GRAMD1B: variants seen among roughly 807,000 people sequenced by gnomAD.
GRAMD1B encodes protein Aster-B.
In GRAMD1B, 37 loss-of-function variants were observed where a neutral mutation model predicts 99.7. The ratio of observed to expected loss-of-function variants is 0.37; its 90% CI spans 0.29 to 0.49. The LOEUF (loss-of-function observed/expected upper bound fraction) is 0.49. GRAMD1B is among the 20% of genes least tolerant of loss of function. GRAMD1B has a pLI of 0.98. For missense variants in GRAMD1B, 888 were observed against 1,009.2 expected, an observed-to-expected ratio of 0.88 and a Z score of 1.63; for synonymous variants, 427 against 387.6, an observed-to-expected ratio of 1.10 and a Z score of -1.19.
chr11:123,417,049 C>A (rs962610097), intron 1 of GRAMD1B, among the ~76,000 whole-genome samples: 3 of 152,182 alleles, frequency 2.0e-5, no homozygotes, highest in Admixed American at 6.5e-5. Flanking sequence ...TGCAAGGGTA[C>A]ATTAATCTCA....
At chr11:123,400,392 G>A (rs1181313409) in intron 1 of GRAMD1B, among the ~76,000 whole-genome samples, 1 of 152,168 alleles carries the variant, frequency 6.6e-6, no homozygotes, top group African/African-American at 2.4e-5. Flanking sequence ...CAGGAAAAAC[G>A]CTTGAATCCG....
chr11:123,534,221 G>T (rs1399373753), intron 2 of GRAMD1B, among the ~76,000 whole-genome samples: 1 of 152,182 alleles, frequency 6.6e-6, no homozygotes, highest in Non-Finnish European at 1.5e-5. Flanking sequence ...GTAGAGAAAA[G>T]AAAATGTTAA....
At chr11:123,415,952 A>G (rs1389545524) in intron 1 of GRAMD1B, among the ~76,000 whole-genome samples, 2 of 152,210 alleles carry the variant, frequency 1.3e-5, no homozygotes, top group Non-Finnish European at 2.9e-5. Flanking sequence ...TTAAATTGGT[A>G]TCTTATTACT....
intron 1 of GRAMD1B, chr11:123,435,582 C>T (rs984811302): frequency 7.9e-6 from 5 of 633,866 alleles, no homozygotes; most frequent in Non-Finnish European, 1.1e-5. Flanking sequence ...CACTGGAATA[C>T]TCCAAGACCA....
At chr11:123,523,454 T>G (rs1047456482) in intron 2 of GRAMD1B, among the ~76,000 whole-genome samples, 2 of 152,202 alleles carry the variant, frequency 1.3e-5, no homozygotes, top group Non-Finnish European at 2.9e-5. Flanking sequence ...GGCAAAATGC[T>G]TAGCTTGATG....
intron 2 of GRAMD1B, among the ~76,000 whole-genome samples, chr11:123,534,658 T>C (rs577709688): frequency 1.3e-5 from 2 of 151,536 alleles, no homozygotes; most frequent in South Asian, 4.2e-4. Context: ...AGGTCAGGAG[T>C]TTGAGACCAG....
chr11:123,389,721 G>T (rs938787978), intron 1 of GRAMD1B, among the ~76,000 whole-genome samples: 4 of 152,060 alleles, frequency 2.6e-5, no homozygotes, highest in Non-Finnish European at 5.9e-5. Context: ...GTCTATAAGA[G>T]CTCTGTGTAT....
chr11:123,442,726 C>T (rs1159126582), intron 1 of GRAMD1B, among the ~76,000 whole-genome samples: 5 of 152,062 alleles, frequency 3.3e-5, no homozygotes, highest in Admixed American at 2.0e-4. Flanking sequence ...GCCGAGATCG[C>T]ACCACTGCAC....
intron 1 of GRAMD1B, among the ~76,000 whole-genome samples, chr11:123,440,999 T>C (rs1047418122): frequency 6.6e-6 from 1 of 152,180 alleles, no homozygotes; most frequent in Admixed American, 6.5e-5. Context: ...TCTGCCACCA[T>C]GTGAGATGTG....
Position 123,492,211 on chromosome 11 carries a change from C to T in GRAMD1B, c.452+11318C>T, listed in dbSNP as rs1938629223. 6.6e-6 allele frequency among the ~76,000 whole-genome samples: 1 copy of T among 152,154 alleles called. No homozygotes were observed. Among genetic ancestry groups the T allele is most frequent in the Non-Finnish European group, 1.5e-5 (1 of 68,024 alleles). On this transcript the variant is annotated intron_variant, in intron 2 of 19. Coordinates refer to ENST00000635736, the MANE Select transcript of GRAMD1B (RefSeq NM_001387025.1). This position sits in a 1 kb window ranked among gnomAD's most constrained non-coding sequence, Gnocchi z 4.2. The stretch of plus-strand genomic sequence containing the variant: ...TAACTGGCCAGGGACCATTACTTTT[C>T]TCCTTTATGATAAGTTGCTCCAGTC...
intron 3 of GRAMD1B, among the ~76,000 whole-genome samples, chr11:123,583,722 G>A (rs1018195424): frequency 6.6e-6 from 1 of 152,022 alleles, no homozygotes; most frequent in Non-Finnish European, 1.5e-5. Context: ...TGGACCCTTA[G>A]TGATTATGTG....
chr11:123,491,099 G>C (rs1477291754), intron 2 of GRAMD1B, among the ~76,000 whole-genome samples: 3 of 152,210 alleles, frequency 2.0e-5, no homozygotes, highest in Admixed American at 6.5e-5. Flanking sequence ...TTGGGAGGCT[G>C]AGGTGGGTGG....
chr11:123,479,187 G>A (rs1415940654), intron 1 of GRAMD1B, among the ~76,000 whole-genome samples: 1 of 152,240 alleles, frequency 6.6e-6, no homozygotes, highest in Non-Finnish European at 1.5e-5. Flanking sequence ...TTTGTGTATG[G>A]CGCTGTTCCG....
chr11:123,514,622 T>C (rs1941495325), intron 2 of GRAMD1B, among the ~76,000 whole-genome samples: 1 of 152,118 alleles, frequency 6.6e-6, no homozygotes, highest in Non-Finnish European at 1.5e-5. Flanking sequence ...AGGATGCATG[T>C]GGAAGACAAG....
chr11:123,402,585 G>A (rs565445082), intron 1 of GRAMD1B, among the ~76,000 whole-genome samples: 1 of 152,298 alleles, frequency 6.6e-6, no homozygotes, highest in African/African-American at 2.4e-5. Context: ...GAATTTCCCA[G>A]CATCACAGTA....
chr11:123,435,589 A>G, intron 1 of GRAMD1B: 1 of 624,842 alleles, frequency 1.6e-6, no homozygotes, highest in Non-Finnish European at 2.9e-6. Flanking sequence ...ATACTCCAAG[A>G]CCAATCATGT....
intron 2 of GRAMD1B, among the ~76,000 whole-genome samples, chr11:123,522,140 G>A (rs779639412): frequency 6.6e-6 from 1 of 152,084 alleles, no homozygotes; most frequent in African/African-American, 2.4e-5. Flanking sequence ...TAGAGGTTGT[G>A]TTAGTGCTTG....
chr11:123,514,099 G>A lies in GRAMD1B; in HGVS notation c.452+33206G>A, dbSNP rs150014950. Among the ~76,000 whole-genome samples the A allele has an allele frequency of 5.1e-4, 78 of 152,316 alleles. 1 individual carries two copies. Among genetic ancestry groups the A allele is most frequent in the East Asian group, 9.7e-4 (5 of 5,180 alleles). Reference sequence around the variant, plus strand: ...TAGAGATGGGTAGTTCACAATCGCCGTGAAGAGTTGTTCATGGGTCCTCGG... The same window carrying A: ...TAGAGATGGGTAGTTCACAATCGCCATGAAGAGTTGTTCATGGGTCCTCGG... On this transcript the variant is annotated intron_variant, in intron 2 of 19. Coordinates refer to ENST00000635736, the MANE Select transcript of GRAMD1B (RefSeq NM_001387025.1).
intron 1 of GRAMD1B, among the ~76,000 whole-genome samples, chr11:123,409,277 C>G (rs1030051498): frequency 6.6e-6 from 1 of 152,198 alleles, no homozygotes; most frequent in African/African-American, 2.4e-5. Context: ...TTCTCTGGTC[C>G]TCTTTTCTCA....
Sources: allele counts gnomAD v4.1 joint callset (sites outside exome capture counted in the v4.1 genomes callset), GRCh38; gene constraint gnomAD v4.1.1; non-coding constraint Gnocchi (gnomAD v3.1); transcripts MANE v1.5; gene names NCBI Gene and HGNC (gene_info 2026-07-23, HGNC 2026-07-21).